The following MB21D2 variants were observed in gnomAD, a reference collection of about 807,000 sequenced individuals.
MB21D2 encodes the protein nucleotidyltransferase MB21D2.
MB21D2 carries 9 observed loss-of-function variants against 33.3 expected under a neutral mutation model. That is an observed-to-expected ratio of 0.27 (90% CI 0.16 to 0.47). MB21D2 has a LOEUF of 0.47. Among genes scored for constraint, MB21D2 ranks in the 20% least tolerant of loss-of-function variants. The pLI is 0.99. For synonymous variants in MB21D2, 241 were observed against 236.3 expected, an observed-to-expected ratio of 1.02 and a Z score of -0.18; for missense variants, 540 against 624.6, an observed-to-expected ratio of 0.86 and a Z score of 1.44.
intron 1 of MB21D2, among the ~76,000 whole-genome samples, chr3:192,900,881 T>C (rs1306459760): frequency 2.0e-5 from 3 of 150,684 alleles, no homozygotes; most frequent in Non-Finnish European, 4.4e-5. Context: ...GCAGAGGCTA[T>C]GGTGAGCTGA....
intron 1 of MB21D2, among the ~76,000 whole-genome samples, chr3:192,804,683 G>T (rs1408487114): frequency 1.3e-5 from 2 of 152,114 alleles, no homozygotes; most frequent in East Asian, 3.9e-4. Flanking sequence ...CCAGCAGTGG[G>T]TTTTAATGGC....
intron 1 of MB21D2, among the ~76,000 whole-genome samples, chr3:192,820,378 T>G (rs6444662): frequency 0.58 from 88,472 of 151,390 alleles, 27,073 homozygotes; most frequent in African/African-American, 0.78. Context: ...TAATACAAAA[T>G]GTAATTTCAG....
chr3:192,813,296 GTTAATTT>G (rs1463924828), intron 1 of MB21D2, among the ~76,000 whole-genome samples: 2 of 102,860 alleles, frequency 1.9e-5, no homozygotes, highest in Non-Finnish European at 3.9e-5. Context: ...ACTTACTGCA[GTTAATTT>G]TTTTTTTTTT....
chr3:192,910,647 TAA>T (rs1197413554), intron 1 of MB21D2, among the ~76,000 whole-genome samples: 1 of 152,210 alleles, frequency 6.6e-6, no homozygotes, highest in Non-Finnish European at 1.5e-5. Flanking sequence ...TTACTCCTAA[TAA>T]AAGAGCATGG....
At chr3:192,833,279 G>A (rs1274683884) in intron 1 of MB21D2, among the ~76,000 whole-genome samples, 1 of 152,146 alleles carries the variant, frequency 6.6e-6, no homozygotes, top group Non-Finnish European at 1.5e-5. Flanking sequence ...AAGCCAAAGA[G>A]TTAAGAGACT....
rs960845155 is a variant in MB21D2 at position 192,912,931 on chromosome 3, T to G, written c.211+4699A>C. Among the ~76,000 whole-genome samples, 6 of 152,270 alleles carry G rather than the reference T, an allele frequency of 3.9e-5. No individual in the cohort carries two copies. In the South Asian group the frequency reaches 1.0e-3, roughly 26 times the overall value. Reference sequence around the variant, plus strand: ...AACAACACCTATTTCACTTCCAAAATAGGCATGATACTTATGCTTACAAAG... The same window carrying G: ...AACAACACCTATTTCACTTCCAAAAGAGGCATGATACTTATGCTTACAAAG... On this transcript the variant is annotated intron_variant, in intron 1 of 1. Coordinates refer to ENST00000392452, the MANE Select transcript of MB21D2 (RefSeq NM_178496.4).
At chr3:192,877,245 C>T (rs971838154) in intron 1 of MB21D2, among the ~76,000 whole-genome samples, 2 of 152,052 alleles carry the variant, frequency 1.3e-5, no homozygotes, top group Non-Finnish European at 2.9e-5. Context: ...TTACCATCTC[C>T]TATGTTGTAT....
chr3:192,851,775 C>T (rs1712811694), intron 1 of MB21D2, among the ~76,000 whole-genome samples: 2 of 152,128 alleles, frequency 1.3e-5, no homozygotes, highest in Non-Finnish European at 2.9e-5. Flanking sequence ...GCTGGGATCA[C>T]AGGCGTAAGC....
At chr3:192,905,980 T>C (rs1308374650) in intron 1 of MB21D2, among the ~76,000 whole-genome samples, 1 of 152,246 alleles carries the variant, frequency 6.6e-6, no homozygotes, top group African/African-American at 2.4e-5. Context: ...GGTTTCTTCC[T>C]GTGTTAAAAC....
At chr3:192,890,479 AGGTC>A (rs1386910734) in intron 1 of MB21D2, among the ~76,000 whole-genome samples, 4 of 151,956 alleles carry the variant, frequency 2.6e-5, no homozygotes, top group African/African-American at 9.7e-5. Flanking sequence ...TTAGCTTGTA[AGGTC>A]TGATGGGGCA....
chr3:192,877,953 T>C (rs1252540473), intron 1 of MB21D2, among the ~76,000 whole-genome samples: 3 of 150,252 alleles, frequency 2.0e-5, no homozygotes, highest in African/African-American at 7.4e-5. Flanking sequence ...TACCCTCCTT[T>C]CACATGAACC....
chr3:192,870,729 GAAGA>G (rs1159351923), intron 1 of MB21D2, among the ~76,000 whole-genome samples: 12 of 86,162 alleles, frequency 1.4e-4, no homozygotes, highest in Middle Eastern at 7.8e-3. Context: ...AGGAAGGAGA[GAAGA>G]AGGAAGGAAG....
chr3:192,868,076 T>G (rs1256790995), intron 1 of MB21D2, among the ~76,000 whole-genome samples: 1 of 152,180 alleles, frequency 6.6e-6, no homozygotes, highest in Non-Finnish European at 1.5e-5. Flanking sequence ...TATAATAAGG[T>G]ATTATTTTAA....
intron 1 of MB21D2, among the ~76,000 whole-genome samples, chr3:192,823,874 G>T (rs957396990): frequency 6.6e-6 from 1 of 152,112 alleles, no homozygotes; most frequent in Non-Finnish European, 1.5e-5. Context: ...AATAATAATT[G>T]TTTCCCATGC....
At chr3:192,875,242 C>T (rs1194441614) in intron 1 of MB21D2, among the ~76,000 whole-genome samples, 1 of 152,172 alleles carries the variant, frequency 6.6e-6, no homozygotes, top group East Asian at 1.9e-4. Context: ...CCCTACTCTC[C>T]AAATGTCAGC....
intron 1 of MB21D2, among the ~76,000 whole-genome samples, chr3:192,817,907 C>G (rs1026515881): frequency 2.7e-5 from 4 of 149,594 alleles, no homozygotes; most frequent in African/African-American, 9.8e-5. Flanking sequence ...CATTTTCGTC[C>G]CTGTCTTAAC....
At chr3:192,907,114 T>A (rs539927492) in intron 1 of MB21D2, among the ~76,000 whole-genome samples, 1 of 152,286 alleles carries the variant, frequency 6.6e-6, no homozygotes, top group Non-Finnish European at 1.5e-5. Flanking sequence ...GAAAAACAGA[T>A]AGCTGTTTCC....
At chr3:192,871,290 T>C (rs1303353609) in intron 1 of MB21D2, among the ~76,000 whole-genome samples, 1 of 152,166 alleles carries the variant, frequency 6.6e-6, no homozygotes, top group Admixed American at 6.5e-5. Flanking sequence ...GGATACTACC[T>C]TATGAAAAAT....
At chr3:192,880,961 A>G (rs368631646) in intron 1 of MB21D2, among the ~76,000 whole-genome samples, 1 of 152,112 alleles carries the variant, frequency 6.6e-6, no homozygotes, top group South Asian at 2.1e-4. Context: ...GAAAATTATA[A>G]AGAATGTACA....
Sources: allele counts gnomAD v4.1 joint callset (sites outside exome capture counted in the v4.1 genomes callset), GRCh38; gene constraint gnomAD v4.1.1; transcripts MANE v1.5; gene names NCBI Gene and HGNC (gene_info 2026-07-23, HGNC 2026-07-21).